Variants in LRRC3B observed in about 807,000 individuals in gnomAD.
LRRC3B encodes the protein leucine rich repeat containing 3B.
A neutral mutation model predicts 12.8 loss-of-function variants in LRRC3B; 2 were observed. That is an observed-to-expected ratio of 0.16 (90% CI 0.06 to 0.49). LRRC3B has a LOEUF of 0.49. LRRC3B is among the 20% of genes least tolerant of loss of function. The probability of loss-of-function intolerance (pLI) is 0.96; values close to 1 mark genes in which losing one functional copy is unlikely to be tolerated. For synonymous variants in LRRC3B, 132 were observed against 122.0 expected (o/e 1.08, Z -0.54); for missense variants, 189 against 319.4 (o/e 0.59, Z 3.11).
At chr3:26,693,498 T>C (rs1204141713) in intron 1 of LRRC3B, among the ~76,000 whole-genome samples, 1 of 152,140 alleles carries the variant, frequency 6.6e-6, no homozygotes, top group African/African-American at 2.4e-5. Context: ...ACCTGTTAAT[T>C]TAAGGAGCTT....
chr3:26,697,771 CAA>C (rs1229678936), intron 1 of LRRC3B, among the ~76,000 whole-genome samples: 1 of 152,096 alleles, frequency 6.6e-6, no homozygotes, highest in Non-Finnish European at 1.5e-5. Flanking sequence ...ATCAGATGTG[CAA>C]AGACTCTAGG....
chr3:26,638,107 G>A (rs1575116376), intron 1 of LRRC3B, among the ~76,000 whole-genome samples: 2 of 152,288 alleles, frequency 1.3e-5, no homozygotes, highest in East Asian at 3.9e-4. Flanking sequence ...AAGCATTGTA[G>A]ATGTCTAAAT....
chr3:26,709,607 T>C, exon 2 of LRRC3B: 12 of 1,519,978 alleles, frequency 7.9e-6, no homozygotes, highest in Non-Finnish European at 1.1e-5. Context: ...TGGACAGGGC[T>C]GGAACCTTTA....
intron 1 of LRRC3B, among the ~76,000 whole-genome samples, chr3:26,691,174 A>C (rs1025997476): frequency 6.9e-6 from 1 of 145,472 alleles, no homozygotes; most frequent in Non-Finnish European, 1.5e-5. Context: ...TTGACCTTAC[A>C]TGATCTCCCG....
rs1261897533 is a variant in LRRC3B at position 26,671,373 on chromosome 3, T to TATAGAG, written c.-160-38139_-160-38138insTAGAGA. On this transcript the variant is annotated intron_variant, in intron 1 of 1. Transcript: ENST00000396641. ...GTGTATATATATATATATATATATA[T>TATAGAG]AGAGAGAGAGAGAGAGAGAGAGAGA... 3.4e-3 allele frequency among the ~76,000 whole-genome samples: 96 copies of TATAGAG among 28,244 alleles called. 3 individuals are homozygous for TATAGAG. The highest frequency in any genetic ancestry group is 4.8e-3 in the Admixed American group (7 of 1,452). The allele number at this position is 28,244 out of a possible 152,430, so 18.5% of individuals were successfully genotyped here.
chr3:26,675,320 G>T (rs1463167293), intron 1 of LRRC3B, among the ~76,000 whole-genome samples: 1 of 152,200 alleles, frequency 6.6e-6, no homozygotes, highest in Non-Finnish European at 1.5e-5. Flanking sequence ...CAAGGTTGAG[G>T]TTGTGAGTCA....
rs116192576 is a variant in LRRC3B, at chr3:26,665,328, T to C, written c.-161+42091T>C. ...CTAAATCAAACTTCACTTTGCTTGATTGAAAAATCACATTTACTAAACTAC... is the reference window on the plus strand; with the variant it reads ...CTAAATCAAACTTCACTTTGCTTGACTGAAAAATCACATTTACTAAACTAC... On this transcript the variant is annotated intron_variant, in intron 1 of 1. Coordinates refer to ENST00000396641, the Ensembl canonical transcript of LRRC3B. Among the ~76,000 whole-genome samples, 930 of 152,208 alleles carry C rather than the reference T, an allele frequency of 6.1e-3. 9 individuals are homozygous for C. Among genetic ancestry groups the C allele is most frequent in the African/African-American group, 0.02 (832 of 41,532 alleles).
At chr3:26,700,449 T>G (rs1700426026) in intron 1 of LRRC3B, among the ~76,000 whole-genome samples, 1 of 152,204 alleles carries the variant, frequency 6.6e-6, no homozygotes, top group Non-Finnish European at 1.5e-5. Flanking sequence ...ACCAGCTGTA[T>G]GGCTTTGAGG....
At chr3:26,677,001 G>A (rs1304806891) in intron 1 of LRRC3B, among the ~76,000 whole-genome samples, 2 of 152,062 alleles carry the variant, frequency 1.3e-5, no homozygotes, top group Non-Finnish European at 2.9e-5. Context: ...GGTTGGGCAA[G>A]GTGTCATGGT....
intron 1 of LRRC3B, among the ~76,000 whole-genome samples, chr3:26,671,658 G>A (rs1257495102): frequency 6.6e-6 from 1 of 151,880 alleles, no homozygotes; most frequent in African/African-American, 2.4e-5. Context: ...CTCCCAAAGT[G>A]CTGGGATTAC....
chr3:26,665,350 C>A (rs1699577503), intron 1 of LRRC3B, among the ~76,000 whole-genome samples: 1 of 152,158 alleles, frequency 6.6e-6, no homozygotes. Context: ...ATTTACTAAA[C>A]TACTTCTTCC....
chr3:26,680,213 C>T (rs1699943545), intron 1 of LRRC3B, among the ~76,000 whole-genome samples: 1 of 152,142 alleles, frequency 6.6e-6, no homozygotes, highest in Non-Finnish European at 1.5e-5. Flanking sequence ...ACAGGTGCTT[C>T]CCAGCCTTTC....
chr3:26,667,957 T>A (rs914497318), intron 1 of LRRC3B, among the ~76,000 whole-genome samples: 2 of 152,014 alleles, frequency 1.3e-5, no homozygotes, highest in Admixed American at 1.3e-4. Flanking sequence ...ACTTTAAGTT[T>A]TTAATGCACC....
intron 1 of LRRC3B, among the ~76,000 whole-genome samples, chr3:26,633,193 A>T (rs1698796084): frequency 6.6e-6 from 1 of 151,642 alleles, no homozygotes; most frequent in African/African-American, 2.4e-5. Flanking sequence ...CCTTTCTTCC[A>T]TCTAATTATT....
intron 1 of LRRC3B, among the ~76,000 whole-genome samples, chr3:26,650,220 C>T (rs974119542): frequency 3.3e-5 from 5 of 152,112 alleles, no homozygotes; most frequent in African/African-American, 1.2e-4. Flanking sequence ...ATATCTGTCA[C>T]CTGCTCTCAA....
In LRRC3B at chr3:26,704,169, ATCT is replaced by A. The variant is rs1159870956; in HGVS notation, c.-160-5339_-160-5337del. Reference sequence around the variant, plus strand: ...ATTGCATATTTATATTTGCATATTTATCTTCTTTAAAAAAATCTACACAAATGT... The same window carrying A: ...ATTGCATATTTATATTTGCATATTTATCTTTAAAAAAATCTACACAAATGT... On this transcript the variant is annotated intron_variant, in intron 1 of 1. Transcript: ENST00000396641. 5.3e-5 allele frequency among the ~76,000 whole-genome samples: 8 copies of A among 152,100 alleles called. No individual in the cohort carries two copies. In the East Asian group the frequency reaches 1.4e-3, roughly 26 times the overall value.
At chr3:26,702,968 T>TC (rs1330676691) in intron 1 of LRRC3B, among the ~76,000 whole-genome samples, 1 of 152,152 alleles carries the variant, frequency 6.6e-6, no homozygotes, top group Non-Finnish European at 1.5e-5. Context: ...GATGAACTCT[T>TC]CCTGTAGTAG....
At chr3:26,675,952 T>A (rs949058213) in intron 1 of LRRC3B, among the ~76,000 whole-genome samples, 1 of 151,444 alleles carries the variant, frequency 6.6e-6, no homozygotes, top group South Asian at 2.1e-4. Context: ...ATTTTTTTTA[T>A]AGTTATAAAG....
At chr3:26,699,408 G>A (rs1333835422) in intron 1 of LRRC3B, among the ~76,000 whole-genome samples, 2 of 152,104 alleles carry the variant, frequency 1.3e-5, no homozygotes, top group African/African-American at 4.8e-5. Context: ...GGGCAACTAA[G>A]GGATGGAAGT....
Sources: gnomAD v4.1 joint callset for allele counts (sites outside exome capture counted in the v4.1 genomes callset) on GRCh38, gnomAD v4.1.1 for gene constraint, MANE v1.5 for transcripts, NCBI Gene and HGNC (gene_info 2026-07-23, HGNC 2026-07-21) for gene names.